Variants in SYNPR observed in about 807,000 individuals in gnomAD.
SYNPR encodes synaptoporin.
In SYNPR, 23 loss-of-function variants were observed where a neutral mutation model predicts 32.9. That is an observed-to-expected ratio of 0.70 (90% CI 0.50 to 0.99). The LOEUF (loss-of-function observed/expected upper bound fraction) is 0.99. SYNPR is among the 50% of genes least tolerant of loss of function. The pLI is 0.00. For missense variants in SYNPR, 318 were observed against 349.3 expected (o/e 0.91, Z 0.71); for synonymous variants, 146 against 135.9 (o/e 1.07, Z -0.52).
At chr3:63,343,081 G>C (rs2087388974) in intron 2 of SYNPR, among the ~76,000 whole-genome samples, 1 of 152,176 alleles carries the variant, frequency 6.6e-6, no homozygotes, top group South Asian at 2.1e-4. Context: ...GGCAGAGGGA[G>C]AAGTTAGTAC....
chr3:63,201,155 T>G, the SYNPR span, among the ~76,000 whole-genome samples: 1 of 152,324 alleles, frequency 6.6e-6, no homozygotes, highest in Admixed American at 6.5e-5. Flanking sequence ...CTTAGCCTGT[T>G]TATGCTTCAA....
chr3:63,504,577 C>T (rs572183409), intron 3 of SYNPR, among the ~76,000 whole-genome samples: 13 of 152,112 alleles, frequency 8.5e-5, no homozygotes, highest in Middle Eastern at 6.8e-3. Flanking sequence ...ACCAAACCTC[C>T]GTATATTGCT....
chr3:63,563,323 A>T (rs1489268468), intron 4 of SYNPR, among the ~76,000 whole-genome samples: 1 of 152,190 alleles, frequency 6.6e-6, no homozygotes, highest in Non-Finnish European at 1.5e-5. Flanking sequence ...CAAACAAAAT[A>T]AGGTTTCTTG....
chr3:63,518,456 G>A (rs138479315), intron 3 of SYNPR, among the ~76,000 whole-genome samples: 12 of 152,176 alleles, frequency 7.9e-5, no homozygotes, highest in African/African-American at 2.9e-4. Context: ...AAGGTACTAT[G>A]GAAATAGGCT....
At chr3:63,287,385 G>A (rs924586008) in intron 2 of SYNPR, among the ~76,000 whole-genome samples, 1 of 151,984 alleles carries the variant, frequency 6.6e-6, no homozygotes, top group African/African-American at 2.4e-5. Flanking sequence ...CAGTGTCAAT[G>A]TAGATACCAC....
At chr3:63,525,831 T>G (rs761226549) in intron 3 of SYNPR, among the ~76,000 whole-genome samples, 2 of 152,092 alleles carry the variant, frequency 1.3e-5, no homozygotes, top group Non-Finnish European at 2.9e-5. Context: ...TGTGTTGCTA[T>G]AAAGTAATAC....
chr3:63,288,429 T>G (rs1321620146), intron 2 of SYNPR, among the ~76,000 whole-genome samples: 2 of 152,200 alleles, frequency 1.3e-5, no homozygotes, highest in African/African-American at 2.4e-5. Flanking sequence ...ATGTTACACC[T>G]TTGAGATTTT....
At chr3:63,452,204 G>C (rs1700391601) in intron 2 of SYNPR, 2 of 617,586 alleles carry the variant, frequency 3.2e-6, no homozygotes, top group Admixed American at 2.4e-5. Flanking sequence ...CAGCCACTGG[G>C]TGCCGGGTTA....
chr3:63,234,585 C>T lies in SYNPR; in HGVS notation n.66+6205C>T, dbSNP rs529962215. 2.1e-4 allele frequency among the ~76,000 whole-genome samples: 32 copies of T among 152,284 alleles called. 1 individual carries two copies. The highest frequency in any genetic ancestry group is 1.9e-3 in the East Asian group (10 of 5,182). On this transcript the variant is annotated intron_variant and non_coding_transcript_variant, in intron 1 of 4. Transcript: ENST00000478456. ...GTTTAGAAAATGAACAAGAATTGTCCGTAGCAAATCTCAGCTATACAGAAA... is the reference window on the plus strand; with the variant it reads ...GTTTAGAAAATGAACAAGAATTGTCTGTAGCAAATCTCAGCTATACAGAAA...
Position 63,452,253 on chromosome 3 carries a change from T to G in SYNPR, c.85-28579T>G, listed in dbSNP as rs1700392556. 4 of 537,418 alleles carry G rather than the reference T, an allele frequency of 7.4e-6. No individual in the cohort carries two copies. The East Asian group carries it at 1.2e-4, about 16-fold the overall frequency. The allele number at this position is 537,418 out of a possible 1,614,324, so 33.3% of individuals were successfully genotyped here. On this transcript the variant is annotated intron_variant, in intron 2 of 5. Transcript: ENST00000478300. ...GGAGGTAACTAAAACAAACATGGTC[T>G]CACGTAAGACTTGCAATCTAGTCGG... is the stretch of plus-strand genomic sequence containing the variant.
At chr3:63,556,440 C>A in intron 3 of SYNPR, 103 bp from the exon 4 acceptor site, 1 of 1,026,262 alleles carries the variant, frequency 9.7e-7, no homozygotes, top group Non-Finnish European at 1.4e-6. Context: ...TGCACTAAAA[C>A]TCCCAGATCA....
At chr3:63,367,289 T>C (rs756206492) in intron 2 of SYNPR, among the ~76,000 whole-genome samples, 2 of 152,184 alleles carry the variant, frequency 1.3e-5, no homozygotes, top group Non-Finnish European at 2.9e-5. Flanking sequence ...GACTCCTACA[T>C]AAATACAGTA....
chr3:63,442,645 A>C (rs191867048), intron 2 of SYNPR, among the ~76,000 whole-genome samples: 74 of 152,298 alleles, frequency 4.9e-4, no homozygotes, highest in African/African-American at 1.7e-3. Context: ...TAAGCCTCTG[A>C]AACCATTTTA....
At chr3:63,575,994 C>T (rs1702973487) in intron 4 of SYNPR, among the ~76,000 whole-genome samples, 1 of 152,114 alleles carries the variant, frequency 6.6e-6, no homozygotes, top group Admixed American at 6.5e-5. Flanking sequence ...TTATTATGAG[C>T]AAATACTAGA....
intron 2 of SYNPR, among the ~76,000 whole-genome samples, chr3:63,398,178 C>T (rs1425688189): frequency 6.6e-6 from 1 of 152,138 alleles, no homozygotes; most frequent in Non-Finnish European, 1.5e-5. Flanking sequence ...AAGTCAACTC[C>T]TAAATTAAGA....
intron 2 of SYNPR, among the ~76,000 whole-genome samples, chr3:63,335,967 G>T (rs2087288737): frequency 6.6e-6 from 1 of 151,776 alleles, no homozygotes; most frequent in South Asian, 2.1e-4. Context: ...ATAGAGACGG[G>T]GTTACTCCAT....
At chr3:63,262,653 C>T (rs991344238) in intron 2 of SYNPR, among the ~76,000 whole-genome samples, 3 of 152,092 alleles carry the variant, frequency 2.0e-5, no homozygotes, top group South Asian at 2.1e-4. Context: ...TGATGGGGAC[C>T]GTGCCAAAGC....
chr3:63,415,752 A>G (rs1209508267), intron 2 of SYNPR, among the ~76,000 whole-genome samples: 1 of 152,242 alleles, frequency 6.6e-6, no homozygotes, highest in East Asian at 1.9e-4. Context: ...CGTCCTTCTA[A>G]TCAATAAATT....
chr3:63,491,547 G>A (rs1417838494), intron 3 of SYNPR, among the ~76,000 whole-genome samples: 1 of 151,968 alleles, frequency 6.6e-6, no homozygotes, highest in South Asian at 2.1e-4. Context: ...TTTTGAGACA[G>A]TCTTGCTCTG....
Sources: gnomAD v4.1 joint callset for allele counts (sites outside exome capture counted in the v4.1 genomes callset) on GRCh38, gnomAD v4.1.1 for gene constraint, MANE v1.5 for transcripts, NCBI Gene and HGNC (gene_info 2026-07-23, HGNC 2026-07-21) for gene names.